CNTN5: variants seen among roughly 807,000 people sequenced by gnomAD.
CNTN5 encodes the protein contactin-5.
In CNTN5, 77 loss-of-function variants were observed where a neutral mutation model predicts 129.1. The ratio of observed to expected loss-of-function variants is 0.60; its 90% CI spans 0.50 to 0.72. The LOEUF is 0.72. Among genes scored for constraint, CNTN5 ranks in the 30% least tolerant of loss-of-function variants. The pLI is 0.00. For missense variants in CNTN5, 1,478 were observed against 1,328.8 expected (o/e 1.11, Z -1.75); for synonymous variants, 509 against 465.6 (o/e 1.09, Z -1.20).
chr11:99,394,904 G>T (rs956316348), intron 2 of CNTN5, among the ~76,000 whole-genome samples: 1 of 151,760 alleles, frequency 6.6e-6, no homozygotes, highest in Non-Finnish European at 1.5e-5. Context: ...GTATTCTATG[G>T]TGTATATGGA....
chr11:100,309,377 G>C, intron 21 of CNTN5: 1 of 974,260 alleles, frequency 1.0e-6, no homozygotes, highest in Non-Finnish European at 1.2e-6. Context: ...ACAATTATTT[G>C]ATTAACATAC....
chr11:99,142,066 T>C (rs1401226566), intron 1 of CNTN5, among the ~76,000 whole-genome samples: 1 of 152,190 alleles, frequency 6.6e-6, no homozygotes, highest in Non-Finnish European at 1.5e-5. Flanking sequence ...TGCTTCTCGA[T>C]GATTTCAAGG....
intron 2 of CNTN5, among the ~76,000 whole-genome samples, chr11:99,471,155 A>AAT (rs1218837405): frequency 6.6e-6 from 1 of 151,920 alleles, no homozygotes; most frequent in Non-Finnish European, 1.5e-5. Flanking sequence ...TTGCTAAAAA[A>AAT]AAAAACAAAT....
intron 9 of CNTN5, among the ~76,000 whole-genome samples, chr11:100,060,546 A>T (rs1429493178): frequency 6.6e-6 from 1 of 152,128 alleles, no homozygotes. Context: ...CTTAATTCCT[A>T]ACCCTTTGGT....
chr11:99,185,682 T>C (rs1858309196), intron 1 of CNTN5, among the ~76,000 whole-genome samples: 2 of 151,784 alleles, frequency 1.3e-5, no homozygotes, highest in Admixed American at 1.3e-4. Context: ...AACTAGACAA[T>C]GTGAGCTAAT....
At chr11:99,595,735 A>C (rs2135682088) in intron 3 of CNTN5, among the ~76,000 whole-genome samples, 1 of 147,466 alleles carries the variant, frequency 6.8e-6, no homozygotes, top group East Asian at 2.0e-4. Flanking sequence ...TAATGCTGAT[A>C]CTTCACTGAA....
At chr11:99,995,021 T>A (rs2137433311) in intron 8 of CNTN5, among the ~76,000 whole-genome samples, 1 of 152,318 alleles carries the variant, frequency 6.6e-6, no homozygotes, top group South Asian at 2.1e-4. Context: ...GAAGAAGTCG[T>A]TAAACATTTG....
intron 3 of CNTN5, among the ~76,000 whole-genome samples, chr11:99,817,447 T>G (rs1946624902): frequency 6.6e-6 from 1 of 152,272 alleles, no homozygotes; most frequent in African/African-American, 2.4e-5. Context: ...TGTATAAGAT[T>G]TATAGCCACA....
chr11:100,161,836 CA>C (rs1947459063), intron 13 of CNTN5, among the ~76,000 whole-genome samples: 1 of 56,712 alleles, frequency 1.8e-5, no homozygotes, highest in Non-Finnish European at 3.4e-5. Context: ...TTCCTACACA[CA>C]CACACACACA....
intron 18 of CNTN5, among the ~76,000 whole-genome samples, chr11:100,288,148 CATTA>C (rs1188363699): frequency 3.3e-5 from 5 of 152,124 alleles, no homozygotes; most frequent in African/African-American, 1.2e-4. Flanking sequence ...GACTCCCACA[CATTA>C]ATAATGGGAG....
chr11:100,213,534 A>T (rs1218467640), intron 15 of CNTN5, among the ~76,000 whole-genome samples: 2 of 152,192 alleles, frequency 1.3e-5, no homozygotes, highest in East Asian at 3.8e-4. Flanking sequence ...TTCAATGCCT[A>T]GCTAAGACTT....
intron 1 of CNTN5, among the ~76,000 whole-genome samples, chr11:99,247,659 T>A (rs530054378): frequency 6.6e-6 from 1 of 152,096 alleles, no homozygotes; most frequent in East Asian, 1.9e-4. Flanking sequence ...CCCCTTCCTG[T>A]GTCCATGTGT....
intron 3 of CNTN5, among the ~76,000 whole-genome samples, chr11:99,752,473 A>C (rs1056181202): frequency 6.6e-6 from 1 of 152,138 alleles, no homozygotes; most frequent in South Asian, 2.1e-4. Context: ...AAATGCCATC[A>C]AACATTCTTG....
chr11:99,191,459 C>G (rs1427923253), intron 1 of CNTN5, among the ~76,000 whole-genome samples: 1 of 151,712 alleles, frequency 6.6e-6, no homozygotes, highest in Non-Finnish European at 1.5e-5. Flanking sequence ...TTAAACTACA[C>G]TTTAGACCAA....
chr11:99,386,102 A>G (rs930075753), intron 2 of CNTN5, among the ~76,000 whole-genome samples: 1 of 152,162 alleles, frequency 6.6e-6, no homozygotes, highest in Non-Finnish European at 1.5e-5. Flanking sequence ...CAAATTCCAA[A>G]TTCCATGGAG....
intron 2 of CNTN5, among the ~76,000 whole-genome samples, chr11:99,383,924 A>C (rs1940761743): frequency 6.6e-6 from 1 of 152,282 alleles, no homozygotes; most frequent in South Asian, 2.1e-4. Context: ...AGTCTCTTTA[A>C]ATTTCTTTCA....
At chr11:99,090,054 G>A (rs1172697331) in intron 1 of CNTN5, among the ~76,000 whole-genome samples, 1 of 152,084 alleles carries the variant, frequency 6.6e-6, no homozygotes, top group South Asian at 2.1e-4. Flanking sequence ...ATACCTTGGG[G>A]TATAATAAGT....
At chr11:99,655,434 A>AATCCATATCTAT (rs2135895993) in intron 3 of CNTN5, among the ~76,000 whole-genome samples, 1 of 152,220 alleles carries the variant, frequency 6.6e-6, no homozygotes, top group East Asian at 1.9e-4. Context: ...TATAGCTTAA[A>AATCCATATCTAT]AGTTAGATAT....
intron 2 of CNTN5, among the ~76,000 whole-genome samples, chr11:99,538,362 T>C: frequency 6.6e-6 from 1 of 152,126 alleles, no homozygotes; most frequent in East Asian, 1.9e-4. Flanking sequence ...ATAGGACGAA[T>C]AAAAAGATTT....
Sources: gnomAD v4.1 joint callset for allele counts (sites outside exome capture counted in the v4.1 genomes callset) on GRCh38, gnomAD v4.1.1 for gene constraint, MANE v1.5 for transcripts, NCBI Gene and HGNC (gene_info 2026-07-23, HGNC 2026-07-21) for gene names.